The following IFTAP variants were observed in gnomAD, a reference collection of about 807,000 sequenced individuals.
IFTAP encodes intraflagellar transport-associated protein.
Under a neutral mutation model 19.4 loss-of-function variants are expected in IFTAP, and 19 were observed. That is an observed-to-expected ratio of 0.98 (90% CI 0.68 to 1.44). IFTAP has a LOEUF of 1.44. Among genes scored for constraint, IFTAP ranks in the 40% most tolerant of loss-of-function variants. The probability of loss-of-function intolerance (pLI) is 0.00; values close to 1 mark genes in which losing one functional copy is unlikely to be tolerated. For synonymous variants in IFTAP, 85 were observed against 83.5 expected, an observed-to-expected ratio of 1.02 and a Z score of -0.10; for missense variants, 240 against 253.6, an observed-to-expected ratio of 0.95 and a Z score of 0.36.
At chr11:36,620,004 C>T (rs914696677) in intron 2 of IFTAP, among the ~76,000 whole-genome samples, 5 of 151,590 alleles carry the variant, frequency 3.3e-5, no homozygotes, top group East Asian at 1.9e-4. Context: ...TTGCAGAAGA[C>T]GTCATATAAG....
chr11:36,596,222 G>GTTTTTTTTTTT (rs67282079), intron 1 of IFTAP, among the ~76,000 whole-genome samples: 29 of 118,362 alleles, frequency 2.5e-4, no homozygotes, highest in African/African-American at 3.1e-4. Context: ...TTTTTTTTTT[G>GTTTTTTTTTTT]TTTTTTTTTT....
chr11:36,648,069 T>C lies in IFTAP; in HGVS notation c.412T>C (p.Ser138Pro). The change falls in exon 5 of 6, where the codon TCC becomes CCC. Residue 138 changes from serine to proline, a missense_variant. By Grantham distance (74) the Ser-to-Pro change is moderately conservative. Transcript: ENST00000334307. ...GCAGGATGTAAGCACCAGCATTCCT[T>C]CCTGTATCCCTTTTGTGGCCCAGCC... ...VEQDVSTSIPSCIPFVAQPPT... is the reference protein window; with the variant it reads ...VEQDVSTSIPPCIPFVAQPPT... The C allele has an allele frequency of 6.2e-7, 1 of 1,613,442 alleles. No homozygotes were observed.
intron 4 of IFTAP, among the ~76,000 whole-genome samples, chr11:36,646,393 G>A (rs1487141706): frequency 2.0e-5 from 3 of 152,168 alleles, no homozygotes; most frequent in African/African-American, 7.2e-5. Flanking sequence ...GCTGTTACAC[G>A]AGGACGCTCA....
intron 1 of IFTAP, among the ~76,000 whole-genome samples, chr11:36,605,756 C>A (rs1851672280): frequency 6.6e-6 from 1 of 152,154 alleles, no homozygotes; most frequent in Non-Finnish European, 1.5e-5. Context: ...TTGTGATTTA[C>A]CAGCAGATAT....
At chr11:36,650,587 T>G (rs566532829) in intron 5 of IFTAP, among the ~76,000 whole-genome samples, 9 of 152,000 alleles carry the variant, frequency 5.9e-5, no homozygotes, top group African/African-American at 2.2e-4. Context: ...TATTATACTT[T>G]AAGTTCTAGG....
At chr11:36,602,865 G>T (rs983719757) in intron 1 of IFTAP, among the ~76,000 whole-genome samples, 6 of 151,918 alleles carry the variant, frequency 3.9e-5, no homozygotes, top group African/African-American at 1.5e-4. Flanking sequence ...TAGTGAAAAG[G>T]CATTCTTTTT....
At chr11:36,630,533 A>C (rs1424426839) in intron 2 of IFTAP, among the ~76,000 whole-genome samples, 1 of 151,402 alleles carries the variant, frequency 6.6e-6, no homozygotes, top group Non-Finnish European at 1.5e-5. Flanking sequence ...TCAGAAGCTG[A>C]GACTTCATTA....
At chr11:36,644,208 C>T (rs2133497885) in intron 4 of IFTAP, among the ~76,000 whole-genome samples, 1 of 152,254 alleles carries the variant, frequency 6.6e-6, no homozygotes, top group Non-Finnish European at 1.5e-5. Flanking sequence ...AGACACTTCT[C>T]AAAAGAAGAC....
intron 1 of IFTAP, among the ~76,000 whole-genome samples, chr11:36,601,776 C>T (rs1368863549): frequency 6.6e-6 from 1 of 152,078 alleles, no homozygotes; most frequent in Non-Finnish European, 1.5e-5. Context: ...ACCTCAGTCT[C>T]TCAAGTAGCT....
chr11:36,642,921 G>A (rs1853293331), intron 4 of IFTAP, among the ~76,000 whole-genome samples: 1 of 152,146 alleles, frequency 6.6e-6, no homozygotes, highest in Non-Finnish European at 1.5e-5. Flanking sequence ...GGCAAAAACT[G>A]GAAGCATTCC....
chr11:36,646,717 T>G (rs1853501514), intron 4 of IFTAP, among the ~76,000 whole-genome samples: 1 of 152,174 alleles, frequency 6.6e-6, no homozygotes, highest in African/African-American at 2.4e-5. Context: ...TTTTTAGCTG[T>G]GGGATATTGA....
Position 36,648,020 on chromosome 11 carries a change from G to A in IFTAP, c.363G>A (p.Leu121=), listed in dbSNP as rs1274921727. The A allele has an allele frequency of 6.2e-7, 1 of 1,612,614 alleles. No homozygotes were observed. The highest frequency in any genetic ancestry group is 1.1e-5 in the South Asian group (1 of 90,850). Residue 121 remains leucine (L), a synonymous_variant, in exon 5 of 6, where the codon TTG becomes TTA. Transcript: ENST00000334307. ...EEIKPQMSED[L]LLLPGEVEQD... ...GAAATGTTTTGTATCCAACAGATTT[G>A]CTGCTGCTTCCAGGAGAAGTGGAGC...
chr11:36,611,729 T>G (rs1423238383), intron 2 of IFTAP, among the ~76,000 whole-genome samples: 1 of 152,106 alleles, frequency 6.6e-6, no homozygotes, highest in Non-Finnish European at 1.5e-5. Flanking sequence ...ATGAAAAATT[T>G]AGGAACTAGC....
chr11:36,649,456 C>A (rs1479573078), intron 5 of IFTAP, among the ~76,000 whole-genome samples: 2 of 152,042 alleles, frequency 1.3e-5, no homozygotes, highest in Non-Finnish European at 2.9e-5. Context: ...TTTGTTCATG[C>A]TGTTGACTTC....
At chr11:36,608,477 T>C (rs112041364) in intron 1 of IFTAP, among the ~76,000 whole-genome samples, 6,219 of 152,292 alleles carry the variant, frequency 0.041, 412 homozygotes, top group African/African-American at 0.14. Flanking sequence ...ACTTAGGCAG[T>C]AATTACATGT....
chr11:36,611,295 CTAGCTACACAT>C (rs1445920582), intron 2 of IFTAP, among the ~76,000 whole-genome samples: 2 of 152,024 alleles, frequency 1.3e-5, no homozygotes. Flanking sequence ...GGTTCTCTAC[CTAGCTACACAT>C]TAGACTCACC....
intron 2 of IFTAP, among the ~76,000 whole-genome samples, chr11:36,625,708 G>T (rs1447876637): frequency 6.6e-6 from 1 of 152,192 alleles, no homozygotes; most frequent in Non-Finnish European, 1.5e-5. Context: ...TGCCTTCAGA[G>T]AAATTGTATT....
intron 4 of IFTAP, among the ~76,000 whole-genome samples, chr11:36,644,601 A>T (rs1216998446): frequency 6.6e-6 from 1 of 152,158 alleles, no homozygotes; most frequent in Non-Finnish European, 1.5e-5. Context: ...AACCAACCCA[A>T]ATGTCCAACA....
chr11:36,624,191 G>T (rs893949303), intron 2 of IFTAP, among the ~76,000 whole-genome samples: 8 of 151,888 alleles, frequency 5.3e-5, no homozygotes, highest in African/African-American at 1.9e-4. Context: ...ATACTCAGAG[G>T]TACCAGCACC....
Sources: allele counts gnomAD v4.1 joint callset (sites outside exome capture counted in the v4.1 genomes callset), GRCh38; gene constraint gnomAD v4.1.1; transcripts MANE v1.5; gene names NCBI Gene and HGNC (gene_info 2026-07-23, HGNC 2026-07-21).